Variants in LRRC9 observed in about 807,000 individuals in gnomAD.
The protein encoded by LRRC9 is leucine-rich repeat-containing protein 9.
In LRRC9, 122 loss-of-function variants were observed where a neutral mutation model predicts 63.2. The ratio of observed to expected loss-of-function variants is 1.93; its 90% CI spans 1.67 to 2.24. The LOEUF is 2.24. LRRC9 is among the 30% of genes most tolerant of loss of function. LRRC9 has a pLI of 0.00. For missense variants in LRRC9, 1,071 were observed against 627.7 expected, an observed-to-expected ratio of 1.71 and a Z score of -7.55; for synonymous variants, 366 against 213.1, an observed-to-expected ratio of 1.72 and a Z score of -6.25.
At chr14:59,975,461 A>C (rs1452946135) in intron 13 of LRRC9, among the ~76,000 whole-genome samples, 1 of 152,110 alleles carries the variant, frequency 6.6e-6, no homozygotes, top group South Asian at 2.1e-4. Flanking sequence ...ATGTAGAAAT[A>C]TAAGTACACA....
intron 22 of LRRC9, among the ~76,000 whole-genome samples, chr14:60,007,468 C>CACATT (rs1889906607): frequency 6.6e-6 from 1 of 152,162 alleles, no homozygotes; most frequent in Admixed American, 6.5e-5. Context: ...AATAAAACAG[C>CACATT]ACATTTCCCT....
intron 9 of LRRC9, among the ~76,000 whole-genome samples, chr14:59,960,626 T>C (rs1318472441): frequency 6.6e-6 from 1 of 152,196 alleles, no homozygotes; most frequent in Non-Finnish European, 1.5e-5. Context: ...CTGAGAAAAC[T>C]GAGGCATAAA....
Position 59,944,582 on chromosome 14 carries a change from C to A in LRRC9, c.727-7C>A. On this transcript the variant is annotated splice_polypyrimidine_tract_variant and splice_region_variant and intron_variant, in intron 7 of 31. Coordinates refer to ENST00000445360, the Ensembl canonical transcript of LRRC9. ...TAATTTTTTGTTGTTTTCTTTCTTA[C>A]TTTTAGACCACAGCAATGAAAAAAA... 3 of 555,392 alleles carry A rather than the reference C, an allele frequency of 5.4e-6. No homozygotes were observed. The highest frequency in any genetic ancestry group is 6.3e-6 in the Non-Finnish European group (2 of 317,640). The allele number at this position is 555,392 out of a possible 1,614,324, so 34.4% of individuals were successfully genotyped here.
intron 5 of LRRC9, 91 bp downstream of exon 5, chr14:59,931,773 G>T (rs930347408): frequency 9.8e-6 from 6 of 613,828 alleles, no homozygotes; most frequent in Admixed American, 5.9e-5. Flanking sequence ...TTTCTTTTAG[G>T]CTTTTTTCTG....
intron 7 of LRRC9, among the ~76,000 whole-genome samples, chr14:59,939,779 G>T (rs1463932339): frequency 1.3e-5 from 2 of 151,924 alleles, no homozygotes; most frequent in African/African-American, 4.8e-5. Flanking sequence ...GAAGAATCAT[G>T]ATTCTAGAAT....
intron 17 of LRRC9, among the ~76,000 whole-genome samples, chr14:59,988,631 G>T (rs552477532): frequency 6.6e-6 from 1 of 151,974 alleles, no homozygotes; most frequent in East Asian, 1.9e-4. Flanking sequence ...AAAATTTTGT[G>T]TATGTTCTTC....
At chr14:60,052,760 GTTAC>G (rs918120861) in intron 29 of LRRC9, among the ~76,000 whole-genome samples, 8 of 152,182 alleles carry the variant, frequency 5.3e-5, no homozygotes, top group African/African-American at 1.9e-4. Context: ...TTTCAAAATA[GTTAC>G]TTTTAAGTGA....
intron 26 of LRRC9, among the ~76,000 whole-genome samples, chr14:60,022,062 G>T (rs977773092): frequency 1.3e-5 from 2 of 151,802 alleles, no homozygotes; most frequent in Admixed American, 1.3e-4. Flanking sequence ...TGTATTAAAT[G>T]AATCTATTGA....
chr14:59,947,703 TCCAGTTTCAGCTTTCTACATATGGCTAG>T (rs2139881237), intron 8 of LRRC9, among the ~76,000 whole-genome samples: 1 of 137,690 alleles, frequency 7.3e-6, no homozygotes, highest in Non-Finnish European at 1.5e-5. Flanking sequence ...AAGGAAGGGA[TCCAGTTTCAGCTTTCTACATATGGCTAG>T]CCAGTTTTCC....
intron 7 of LRRC9, among the ~76,000 whole-genome samples, chr14:59,940,016 A>G (rs961711506): frequency 6.6e-6 from 1 of 151,950 alleles, no homozygotes; most frequent in Non-Finnish European, 1.5e-5. Flanking sequence ...TTGGGTGTTA[A>G]ATGTTGGGTA....
intron 8 of LRRC9, among the ~76,000 whole-genome samples, chr14:59,946,686 G>T (rs1784714118): frequency 7.2e-6 from 1 of 139,270 alleles, no homozygotes; most frequent in African/African-American, 2.7e-5. Context: ...TCCCCAGAGT[G>T]TGATATTCCC....
At chr14:60,035,959 CT>C (rs1892395510) in intron 29 of LRRC9, among the ~76,000 whole-genome samples, 1 of 57,962 alleles carries the variant, frequency 1.7e-5, no homozygotes, top group African/African-American at 3.5e-5. Context: ...TCTCACAATT[CT>C]GAGGCTGAAA....
intron 12 of LRRC9, among the ~76,000 whole-genome samples, chr14:59,971,975 A>G (rs566161904): frequency 6.6e-6 from 1 of 152,286 alleles, no homozygotes; most frequent in East Asian, 1.9e-4. Flanking sequence ...AGAAACTTTC[A>G]GTAGCTTCGC....
chr14:59,943,743 G>A (rs977601283), intron 7 of LRRC9, among the ~76,000 whole-genome samples: 4 of 151,896 alleles, frequency 2.6e-5, no homozygotes, highest in African/African-American at 9.7e-5. Flanking sequence ...TTCCTATTCT[G>A]TCTTTTATGC....
intron 6 of LRRC9, among the ~76,000 whole-genome samples, chr14:59,933,776 C>A (rs763061162): frequency 2.0e-5 from 3 of 151,910 alleles, no homozygotes; most frequent in Non-Finnish European, 2.9e-5. Context: ...GGTAGCAGGG[C>A]GTGGGCATTC....
intron 8 of LRRC9, among the ~76,000 whole-genome samples, chr14:59,949,717 C>T (rs1882899324): frequency 6.6e-6 from 1 of 151,528 alleles, no homozygotes; most frequent in African/African-American, 2.4e-5. Flanking sequence ...TCGTTGGTTT[C>T]AAAGAACTCT....
intron 26 of LRRC9, among the ~76,000 whole-genome samples, chr14:60,020,288 T>C (rs535363402): frequency 6.6e-6 from 1 of 152,038 alleles, no homozygotes; most frequent in South Asian, 2.1e-4. Flanking sequence ...GTCAGTAATT[T>C]ATTTCATTTT....
intron 29 of LRRC9, among the ~76,000 whole-genome samples, chr14:60,046,018 T>G (rs1469679650): frequency 6.6e-6 from 1 of 152,180 alleles, no homozygotes; most frequent in African/African-American, 2.4e-5. Context: ...TCTCTAATGA[T>G]CAGTGATGTT....
chr14:60,061,537 A>G (rs1206875608), intron 31 of LRRC9, among the ~76,000 whole-genome samples: 1 of 152,210 alleles, frequency 6.6e-6, no homozygotes, highest in African/African-American at 2.4e-5. Context: ...CATAACTTTT[A>G]TATGTCCTGG....
Sources: gnomAD v4.1 joint callset for allele counts (sites outside exome capture counted in the v4.1 genomes callset) on GRCh38, gnomAD v4.1.1 for gene constraint, MANE v1.5 for transcripts, NCBI Gene and HGNC (gene_info 2026-07-23, HGNC 2026-07-21) for gene names.